PXDNL: variants seen among roughly 807,000 people sequenced by gnomAD.
The protein encoded by PXDNL is peroxidasin like.
PXDNL carries 145 observed loss-of-function variants against 150.8 expected under a neutral mutation model. The observed-to-expected ratio is 0.96, with a 90% confidence interval of 0.84 to 1.10. The LOEUF is 1.10. PXDNL is among the 50% of genes least tolerant of loss of function. PXDNL has a pLI of 0.00. For missense variants in PXDNL, 2,087 were observed against 1,873.9 expected, an observed-to-expected ratio of 1.11 and a Z score of -2.10; for synonymous variants, 757 against 725.7, an observed-to-expected ratio of 1.04 and a Z score of -0.69.
chr8:51,583,756 TTAGA>T (rs1253672648), intron 3 of PXDNL, among the ~76,000 whole-genome samples: 1 of 152,126 alleles, frequency 6.6e-6, no homozygotes, highest in Non-Finnish European at 1.5e-5. Flanking sequence ...TAGATGGATA[TTAGA>T]TAGATAGACT....
At chr8:51,345,365 C>T (rs550555189) in intron 20 of PXDNL, among the ~76,000 whole-genome samples, 118 of 152,182 alleles carry the variant, frequency 7.8e-4, no homozygotes, top group Non-Finnish European at 1.5e-3. Context: ...ATAAGACTGA[C>T]ATTTCTCAAT....
intron 1 of PXDNL, among the ~76,000 whole-genome samples, chr8:51,655,306 T>A (rs1462707483): frequency 1.3e-5 from 2 of 152,146 alleles, no homozygotes; most frequent in African/African-American, 4.8e-5. Context: ...CTTTCATGAG[T>A]CCACATCTTT....
intron 3 of PXDNL, among the ~76,000 whole-genome samples, chr8:51,589,922 T>C (rs1813406234): frequency 6.6e-6 from 1 of 152,126 alleles, no homozygotes; most frequent in South Asian, 2.1e-4. Context: ...CAGATAGTGA[T>C]TCAGGTGCTA....
At chr8:51,703,263 A>C (rs1319096221) in intron 1 of PXDNL, among the ~76,000 whole-genome samples, 1 of 146,540 alleles carries the variant, frequency 6.8e-6, no homozygotes, top group African/African-American at 2.6e-5. Flanking sequence ...AGTAGAGCAC[A>C]GATTCTTCAA....
intron 5 of PXDNL, among the ~76,000 whole-genome samples, chr8:51,489,015 TA>T (rs1306637085): frequency 2.0e-5 from 3 of 152,188 alleles, no homozygotes; most frequent in Admixed American, 6.5e-5. Flanking sequence ...AAACTCTGAT[TA>T]AAAAATGTTT....
chr8:51,543,091 G>C (rs926590907), intron 4 of PXDNL, among the ~76,000 whole-genome samples: 4 of 152,146 alleles, frequency 2.6e-5, no homozygotes, highest in African/African-American at 9.7e-5. Context: ...GAGCCAGCCT[G>C]TCAAATCACT....
rs1216186993 is a variant in PXDNL at position 51,374,469 on chromosome 8, C to G, written c.3692+128G>C. ...GTTACAAAAGTTCTGTCACCTAATG[C>G]TATCTGATATTCATTATACTCAATA... On this transcript the variant is annotated intron_variant, in intron 18 of 22. Coordinates refer to ENST00000356297, the MANE Select transcript of PXDNL (RefSeq NM_144651.5). 6.0e-6 allele frequency: 5 copies of G among 830,040 alleles called. No individual in the cohort carries two copies. In the South Asian group the frequency reaches 6.3e-5, roughly 10 times the overall value. The allele number at this position is 830,040 out of a possible 1,614,324, so 51.4% of individuals were successfully genotyped here. A position where few individuals can be genotyped will look rare whatever the true frequency, so the allele number is the denominator to read the frequency against.
intron 1 of PXDNL, among the ~76,000 whole-genome samples, chr8:51,765,878 C>G (rs1352653125): frequency 6.7e-6 from 1 of 148,926 alleles, no homozygotes; most frequent in Non-Finnish European, 1.5e-5. Flanking sequence ...GAGTCTCACT[C>G]TATCCCCCAG....
Position 51,409,166 on chromosome 8 carries a change from C to A in PXDNL, c.2458G>T (p.Ala820Ser), listed in dbSNP as rs1476356069. 3.7e-6 allele frequency: 6 copies of A among 1,600,278 alleles called. No individual in the cohort carries two copies. The East Asian group carries it at 6.7e-5, about 18-fold the overall frequency. Reference sequence around the variant, plus strand: ...TCCGAGAAGCGGGCTGTGCTCAGCGCAGGCACTGTGTGGTCCAAGTCGTGC... The same window carrying A: ...TCCGAGAAGCGGGCTGTGCTCAGCGAAGGCACTGTGTGGTCCAAGTCGTGC... Reference protein sequence around the residue: ...LEHDLDHTVPALSTARFSDGR... With the variant: ...LEHDLDHTVPSLSTARFSDGR... The change falls in exon 17 of 23, where the codon GCG becomes TCG. Residue 820 changes from alanine (A) to serine (S), a missense_variant. Transcript: ENST00000356297.
At chr8:51,476,885 T>G (rs1213823709) in intron 6 of PXDNL, among the ~76,000 whole-genome samples, 3 of 152,176 alleles carry the variant, frequency 2.0e-5, no homozygotes, top group Non-Finnish European at 4.4e-5. Context: ...TGCCATAAAT[T>G]TAATAACTTT....
At chr8:51,775,684 T>A (rs546477080) in intron 1 of PXDNL, among the ~76,000 whole-genome samples, 1 of 152,366 alleles carries the variant, frequency 6.6e-6, no homozygotes, top group Admixed American at 6.5e-5. Flanking sequence ...TACCTGTCTT[T>A]ACTTTAATCT....
At chr8:51,740,540 G>T (rs1222664193) in intron 1 of PXDNL, among the ~76,000 whole-genome samples, 1 of 152,058 alleles carries the variant, frequency 6.6e-6, no homozygotes, top group African/African-American at 2.4e-5. Context: ...GGCATGAGAT[G>T]GTATCTCATT....
At chr8:51,777,736 C>G (rs1330259030) in intron 1 of PXDNL, among the ~76,000 whole-genome samples, 1 of 152,062 alleles carries the variant, frequency 6.6e-6, no homozygotes. Flanking sequence ...AACCCTGTCT[C>G]TACTAAAAAT....
chr8:51,629,830 C>A (rs918644133), intron 2 of PXDNL, among the ~76,000 whole-genome samples: 1 of 151,648 alleles, frequency 6.6e-6, no homozygotes, highest in African/African-American at 2.4e-5. Flanking sequence ...CAAATGTATC[C>A]CTCGAAAATG....
chr8:51,808,886 G>T (rs13268494), intron 1 of PXDNL, among the ~76,000 whole-genome samples: 77,104 of 152,054 alleles, frequency 0.51, 23,657 homozygotes, highest in Non-Finnish European at 0.68. Flanking sequence ...AATTGAGAAA[G>T]TATGCAGGAA....
intron 5 of PXDNL, among the ~76,000 whole-genome samples, chr8:51,487,804 T>C (rs940231234): frequency 6.6e-6 from 1 of 152,196 alleles, no homozygotes; most frequent in Non-Finnish European, 1.5e-5. Flanking sequence ...TGTATTGAGA[T>C]CATGACTTCA....
At position 51,435,655 on chromosome 8, in the gene PXDNL, C is replaced by A. The variant is rs529593837; in HGVS notation, c.1526-8897G>T. On this transcript the variant is annotated intron_variant, in intron 12 of 22. Transcript: ENST00000356297. ...GAGGCGTGGCAGTTCAGGCGAAGAA[C>A]CCAGAAAGAAGCGAAAAAGAGGCGG... 3 of 220,754 alleles carry A rather than the reference C, an allele frequency of 1.4e-5. No individual in the cohort carries two copies. The South Asian group carries it at 2.2e-4, about 16-fold the overall frequency. 13.7% of individuals were successfully genotyped at this position (220,754 alleles called of 1,614,324 possible).
intron 1 of PXDNL, among the ~76,000 whole-genome samples, chr8:51,720,191 T>TTA (rs1816700779): frequency 6.9e-6 from 1 of 144,034 alleles, no homozygotes; most frequent in African/African-American, 2.5e-5. Context: ...TATTCCCTCC[T>TTA]AAAAAAAAAA....
At chr8:51,464,936 C>T (rs1810170729) in intron 8 of PXDNL, among the ~76,000 whole-genome samples, 1 of 152,240 alleles carries the variant, frequency 6.6e-6, no homozygotes, top group African/African-American at 2.4e-5. Context: ...TCAAAAAAGG[C>T]TTGGACTACA....
Sources: allele counts gnomAD v4.1 joint callset (sites outside exome capture counted in the v4.1 genomes callset), GRCh38; gene constraint gnomAD v4.1.1; transcripts MANE v1.5; gene names NCBI Gene and HGNC (gene_info 2026-07-23, HGNC 2026-07-21).